PHACTR3: variants seen among roughly 807,000 people sequenced by gnomAD.
PHACTR3 encodes the protein phosphatase and actin regulator 3.
A neutral mutation model predicts 66.8 loss-of-function variants in PHACTR3; 16 were observed. The observed-to-expected ratio is 0.24, with a 90% CI of 0.16 to 0.36. The LOEUF (loss-of-function observed/expected upper bound fraction) is 0.36, where lower values mean the gene tolerates loss of function less well. PHACTR3 is among the 10% of genes least tolerant of loss of function. PHACTR3 has a pLI of 1.00. For missense variants in PHACTR3, 647 were observed against 719.9 expected (o/e 0.90, Z 1.16); for synonymous variants, 323 against 292.1 (o/e 1.11, Z -1.08).
At chr20:59,790,802 C>CT (rs1231882667) in intron 7 of PHACTR3, among the ~76,000 whole-genome samples, 1 of 152,142 alleles carries the variant, frequency 6.6e-6, no homozygotes, top group Non-Finnish European at 1.5e-5. Flanking sequence ...TTAGCAGTCG[C>CT]TTTTTTTAGA....
intron 7 of PHACTR3, among the ~76,000 whole-genome samples, chr20:59,778,009 A>G (rs1568811605): frequency 6.6e-6 from 1 of 152,060 alleles, no homozygotes; most frequent in African/African-American, 2.4e-5. Flanking sequence ...CAATCAATAC[A>G]TCTAAGCCTC....
Position 59,840,402 on chromosome 20 carries a change from G to A in PHACTR3, c.1418G>A (p.Arg473Lys). 6.2e-7 allele frequency: 1 copy of A among 1,612,958 alleles called. No homozygotes were observed. Among genetic ancestry groups the A allele is most frequent in the Non-Finnish European group, 8.5e-7 (1 of 1,179,216 alleles). ...RNDQTEQEER[R>K]EIKQRLTRKL... ...GATCAGACAGAGCAGGAAGAAAGAA[G>A]AGAAATCAAGCAAAGATTGACAAGA... Residue 473 changes from arginine (R) to lysine (K), a missense_variant, in exon 10 of 13, where the codon AGA becomes AAA. This residue lies in a region of PHACTR3 where 70 missense variants were observed against 148.8 expected (regional missense o/e 0.47). Coordinates refer to ENST00000371015, the MANE Select transcript of PHACTR3 (RefSeq NM_080672.5).
At chr20:59,693,561 C>T (rs2037185870) in intron 1 of PHACTR3, among the ~76,000 whole-genome samples, 1 of 152,196 alleles carries the variant, frequency 6.6e-6, no homozygotes, top group Non-Finnish European at 1.5e-5. Context: ...GGCACCAGCC[C>T]TGTCTGTAGC....
intron 1 of PHACTR3, among the ~76,000 whole-genome samples, chr20:59,615,219 T>G (rs987515282): frequency 1.1e-4 from 16 of 152,170 alleles, no homozygotes; most frequent in Non-Finnish European, 2.9e-5. Context: ...GAAGAAACCA[T>G]GAAGGTAGTG....
chr20:59,726,781 G>A (rs1041088416), intron 1 of PHACTR3, among the ~76,000 whole-genome samples: 2 of 152,034 alleles, frequency 1.3e-5, no homozygotes, highest in Non-Finnish European at 2.9e-5. Flanking sequence ...CCTCCTTTTG[G>A]AAGGTGTTCC....
intron 1 of PHACTR3, among the ~76,000 whole-genome samples, chr20:59,695,233 T>C (rs2037254602): frequency 6.6e-6 from 1 of 152,194 alleles, no homozygotes; most frequent in South Asian, 2.1e-4. Flanking sequence ...AAATCTCATG[T>C]CGAATTGTAA....
At chr20:59,655,556 T>A (rs2035591943) in intron 1 of PHACTR3, among the ~76,000 whole-genome samples, 1 of 151,974 alleles carries the variant, frequency 6.6e-6, no homozygotes, top group Admixed American at 6.5e-5. Flanking sequence ...TCTTTATCAG[T>A]CTAGCTAAAG....
chr20:59,843,889 G>A (rs1254658574), intron 11 of PHACTR3: 1 of 151,742 alleles, frequency 6.6e-6, no homozygotes, highest in Admixed American at 6.6e-5. Context: ...AGACAACAGG[G>A]AATATGAGAA....
At chr20:59,650,552 G>A (rs551923197) in intron 1 of PHACTR3, among the ~76,000 whole-genome samples, 1 of 152,172 alleles carries the variant, frequency 6.6e-6, no homozygotes, top group South Asian at 2.1e-4. Flanking sequence ...GGCAAGTGTT[G>A]CCAAAGGATG....
Position 59,804,074 on chromosome 20 carries a change from CTATGT to C in PHACTR3, c.1175-1966_1175-1962del, listed in dbSNP as rs1600685142. 2.0e-5 allele frequency among the ~76,000 whole-genome samples: 3 copies of C among 152,286 alleles called. No individual in the cohort carries two copies. The East Asian group carries it at 5.8e-4, about 29-fold the overall frequency. ...ATCCATGAAAAGTCCTCATTTTAAGCTATGTCTTTTGGAAATTTCCTCTTTTGGCT... is the reference window on the plus strand; with the variant it reads ...ATCCATGAAAAGTCCTCATTTTAAGCCTTTTGGAAATTTCCTCTTTTGGCT... On this transcript the variant is annotated intron_variant, in intron 7 of 12. Transcript: ENST00000371015.
intron 1 of PHACTR3, among the ~76,000 whole-genome samples, chr20:59,639,997 T>C (rs1209242053): frequency 1.3e-5 from 2 of 152,158 alleles, no homozygotes; most frequent in Non-Finnish European, 2.9e-5. Flanking sequence ...GAGAGCTCTA[T>C]GGAATAGCAA....
At chr20:59,843,485 GAC>G (rs2059099944) in intron 11 of PHACTR3, 1 of 152,008 alleles carries the variant, frequency 6.6e-6, no homozygotes, top group Admixed American at 6.6e-5. Flanking sequence ...TGGTATAAAA[GAC>G]ACATAGACCA....
chr20:59,798,191 G>C (rs1353997930), intron 7 of PHACTR3, among the ~76,000 whole-genome samples: 2 of 152,056 alleles, frequency 1.3e-5, no homozygotes, highest in Non-Finnish European at 2.9e-5. Flanking sequence ...AGAGATGGAA[G>C]GACAAAAAGA....
intron 1 of PHACTR3, among the ~76,000 whole-genome samples, chr20:59,586,863 G>A (rs1396071348): frequency 1.3e-5 from 2 of 152,144 alleles, no homozygotes; most frequent in Non-Finnish European, 2.9e-5. Flanking sequence ...ACAGAGTAAC[G>A]TGCCCAAGGT....
intron 8 of PHACTR3, among the ~76,000 whole-genome samples, chr20:59,835,605 C>T: frequency 6.6e-6 from 1 of 152,114 alleles, no homozygotes; most frequent in Non-Finnish European, 1.5e-5. Flanking sequence ...GGCTCTGGCC[C>T]AAGGACAATA....
At chr20:59,764,691 G>C (rs193043000) in intron 4 of PHACTR3, among the ~76,000 whole-genome samples, 60 of 152,294 alleles carry the variant, frequency 3.9e-4, no homozygotes, top group Admixed American at 1.4e-3. Flanking sequence ...TTGGAAATGT[G>C]CTGGGTGACC....
At chr20:59,836,365 C>A in intron 8 of PHACTR3, 140 bp from the exon 9 acceptor site, 2 of 680,050 alleles carry the variant, frequency 2.9e-6, no homozygotes, top group Admixed American at 3.6e-5. Flanking sequence ...AGGCAACAAC[C>A]AAAGGTTCAC....
intron 1 of PHACTR3, among the ~76,000 whole-genome samples, chr20:59,696,787 G>A (rs988027065): frequency 6.6e-6 from 1 of 152,148 alleles, no homozygotes; most frequent in African/African-American, 2.4e-5. Context: ...ACCCTGGGTG[G>A]CAGGGCCTCG....
At chr20:59,601,052 A>G (rs988597557), upstream of PHACTR3, among the ~76,000 whole-genome samples, 1 of 152,114 alleles carries the variant, frequency 6.6e-6, no homozygotes, top group Non-Finnish European at 1.5e-5. Context: ...GAGTTATGAA[A>G]CCATCACCAT....
Sources: gnomAD v4.1 joint callset for allele counts (sites outside exome capture counted in the v4.1 genomes callset) on GRCh38, gnomAD v4.1.1 for gene constraint, gnomAD v4.1.1 regional missense constraint, MANE v1.5 for transcripts, NCBI Gene and HGNC (gene_info 2026-07-23, HGNC 2026-07-21) for gene names.